Variants in DCC observed in about 807,000 individuals in gnomAD.
DCC encodes the protein netrin receptor DCC.
DCC carries 58 observed loss-of-function variants against 172.5 expected under a neutral mutation model. The ratio of observed to expected loss-of-function variants is 0.34; its 90% CI spans 0.27 to 0.42. The LOEUF (loss-of-function observed/expected upper bound fraction) is 0.42, where lower values mean the gene tolerates loss of function less well. Ranked by LOEUF, DCC falls within the 10% of genes least tolerant of loss-of-function variation. DCC has a pLI of 1.00. For missense variants in DCC, 1,740 were observed against 1,791.0 expected, an observed-to-expected ratio of 0.97 and a Z score of 0.51; for synonymous variants, 709 against 644.5, an observed-to-expected ratio of 1.10 and a Z score of -1.52.
intron 7 of DCC, among the ~76,000 whole-genome samples, chr18:53,143,209 T>C (rs2043856036): frequency 6.6e-6 from 1 of 152,122 alleles, no homozygotes; most frequent in African/African-American, 2.4e-5. Flanking sequence ...CTCCCCAGCC[T>C]CCTCACCTCT....
Position 52,649,430 on chromosome 18 carries a change from C to CT in DCC, c.92-102615dup, listed in dbSNP as rs142775696. Among the ~76,000 whole-genome samples the CT allele has an allele frequency of 1.7e-4, 25 of 148,740 alleles. No homozygotes were observed. The Middle Eastern group carries it at 0.011, about 64-fold the overall frequency. ...AGGTACTAGATTAATGAGATTATAT[C>CT]TTTTTTTTTATATGTGTAAATTTAA... On this transcript the variant is annotated intron_variant, in intron 1 of 28. Transcript: ENST00000442544.
At chr18:52,869,871 T>TG (rs1000870793) in intron 2 of DCC, among the ~76,000 whole-genome samples, 8 of 151,982 alleles carry the variant, frequency 5.3e-5, no homozygotes, top group African/African-American at 1.9e-4. Flanking sequence ...GCCCCAAGCC[T>TG]GGGGGGTAAA....
chr18:52,560,090 G>C (rs932811565), intron 1 of DCC, among the ~76,000 whole-genome samples: 2 of 152,078 alleles, frequency 1.3e-5, no homozygotes, highest in Admixed American at 6.6e-5. Flanking sequence ...CCAACTTTTA[G>C]TTATTTATTG....
At chr18:52,498,794 G>A (rs2030902611) in intron 1 of DCC, among the ~76,000 whole-genome samples, 1 of 152,082 alleles carries the variant, frequency 6.6e-6, no homozygotes, top group African/African-American at 2.4e-5. Context: ...GATATAGAAA[G>A]AAACCTCTGA....
chr18:52,703,577 G>A (rs1237707626), intron 1 of DCC, among the ~76,000 whole-genome samples: 1 of 152,104 alleles, frequency 6.6e-6, no homozygotes, highest in Non-Finnish European at 1.5e-5. Flanking sequence ...GCGAGGAAAA[G>A]TAAATGATAC....
At chr18:52,785,092 G>A (rs1457799375) in intron 2 of DCC, among the ~76,000 whole-genome samples, 1 of 151,970 alleles carries the variant, frequency 6.6e-6, no homozygotes, top group Non-Finnish European at 1.5e-5. Flanking sequence ...TAGTGCACAG[G>A]GAAGACTGGT....
chr18:53,106,893 A>G (rs189601882), intron 7 of DCC, among the ~76,000 whole-genome samples: 1 of 152,030 alleles, frequency 6.6e-6, no homozygotes, highest in Admixed American at 6.6e-5. Flanking sequence ...AAGATTGTTA[A>G]TCTTCGTGTA....
At position 52,927,119 on chromosome 18, in the gene DCC, G is replaced by A. The variant is rs1215582399; in HGVS notation, c.985+1749G>A. Among the ~76,000 whole-genome samples the A allele has an allele frequency of 1.1e-3, 92 of 87,588 alleles. 17 individuals carry two copies. Among genetic ancestry groups the A allele is most frequent in the African/African-American group, 3.5e-3 (83 of 23,460 alleles). 57.5% of individuals were successfully genotyped at this position (87,588 alleles called of 152,430 possible). A position where few individuals can be genotyped will look rare whatever the true frequency, so the allele number is the denominator to read the frequency against. ...TACGTGTATATACACGTATATACGT[G>A]TATATACACGTATATACGTGTATAT... On this transcript the variant is annotated intron_variant, in intron 5 of 28. Coordinates refer to ENST00000442544, the MANE Select transcript of DCC (RefSeq NM_005215.4).
intron 1 of DCC, among the ~76,000 whole-genome samples, chr18:52,629,396 T>A (rs2034633232): frequency 6.6e-6 from 1 of 152,188 alleles, no homozygotes; most frequent in African/African-American, 2.4e-5. Context: ...TAGATCCCTA[T>A]GGAAATGTGG....
intron 2 of DCC, among the ~76,000 whole-genome samples, chr18:52,794,587 G>A (rs78140153): frequency 0.017 from 2,576 of 152,038 alleles, 85 homozygotes; most frequent in African/African-American, 0.059. Context: ...CTGCAAAGAG[G>A]GATGATTGTT....
intron 15 of DCC, among the ~76,000 whole-genome samples, chr18:53,349,237 G>A (rs2057760109): frequency 6.6e-6 from 1 of 152,126 alleles, no homozygotes; most frequent in South Asian, 2.1e-4. Flanking sequence ...GATGCCACCA[G>A]TCTCTTTGCC....
At chr18:52,952,974 G>A in intron 5 of DCC, among the ~76,000 whole-genome samples, 1 of 122,722 alleles carries the variant, frequency 8.1e-6, no homozygotes, top group African/African-American at 3.1e-5. Flanking sequence ...CTCCAGCCTG[G>A]GCACCACAGT....
intron 12 of DCC, among the ~76,000 whole-genome samples, chr18:53,271,851 T>A (rs1260598134): frequency 6.6e-6 from 1 of 152,144 alleles, no homozygotes; most frequent in Non-Finnish European, 1.5e-5. Context: ...CAGCCTAAGA[T>A]AAGTTAGTAT....
At chr18:53,527,090 CGTGT>C (rs200516080) in intron 28 of DCC, 30,499 of 204,278 alleles carry the variant, frequency 0.15, 2,840 homozygotes, top group Admixed American at 0.2. Context: ...CACATGGATA[CGTGT>C]GTGTGTGTGT....
chr18:52,790,598 A>C (rs895174136), intron 2 of DCC, among the ~76,000 whole-genome samples: 3 of 152,190 alleles, frequency 2.0e-5, no homozygotes, highest in African/African-American at 4.8e-5. Flanking sequence ...GCCATTTTAT[A>C]CCGTAAAAGA....
chr18:52,597,709 T>C (rs960132871), intron 1 of DCC, among the ~76,000 whole-genome samples: 1 of 152,046 alleles, frequency 6.6e-6, no homozygotes, highest in African/African-American at 2.4e-5. Flanking sequence ...TACAGGCACG[T>C]TGGTGAGAAA....
intron 23 of DCC, among the ~76,000 whole-genome samples, chr18:53,455,864 C>T (rs994625484): frequency 3.9e-5 from 6 of 152,220 alleles, no homozygotes; most frequent in Admixed American, 3.9e-4. Context: ...ATTTTTTAAG[C>T]TTTCAATGCC....
rs940687680 is a variant in DCC at position 52,402,422 on chromosome 18, T to C, written c.91+61544T>C. 6.6e-5 allele frequency among the ~76,000 whole-genome samples: 10 copies of C among 151,976 alleles called. No individual in the cohort carries two copies. In the East Asian group the frequency reaches 9.7e-4, roughly 15 times the overall value. On this transcript the variant is annotated intron_variant, in intron 1 of 28. Coordinates refer to ENST00000442544, the MANE Select transcript of DCC (RefSeq NM_005215.4). ...CCACTATAACAGTTCATTTTACTCA[T>C]TGTGTTTGTTCTCTTCATCTTCCTT... is the stretch of plus-strand genomic sequence containing the variant.
chr18:53,146,332 T>C (rs1364480647), intron 7 of DCC, among the ~76,000 whole-genome samples: 1 of 152,160 alleles, frequency 6.6e-6, no homozygotes, highest in African/African-American at 2.4e-5. Context: ...CATCAGCAGA[T>C]GTGGTTGTCT....
Sources: allele counts gnomAD v4.1 joint callset (sites outside exome capture counted in the v4.1 genomes callset), GRCh38; gene constraint gnomAD v4.1.1; transcripts MANE v1.5; gene names NCBI Gene and HGNC (gene_info 2026-07-23, HGNC 2026-07-21).